The following CNTNAP2 variants were observed in gnomAD, a reference collection of about 807,000 sequenced individuals.
CNTNAP2 encodes contactin associated protein 2.
Under a neutral mutation model 155.2 loss-of-function variants are expected in CNTNAP2, and 98 were observed. The observed-to-expected ratio is 0.63, with a 90% CI of 0.54 to 0.75. CNTNAP2 has a LOEUF of 0.75. Among genes scored for constraint, CNTNAP2 ranks in the 30% least tolerant of loss-of-function variants. CNTNAP2 has a pLI of 0.00. For missense variants in CNTNAP2, 1,727 were observed against 1,688.1 expected (o/e 1.02, Z -0.40); for synonymous variants, 651 against 631.2 (o/e 1.03, Z -0.47).
intron 15 of CNTNAP2, among the ~76,000 whole-genome samples, chr7:148,103,046 T>C (rs1364272342): frequency 6.6e-6 from 1 of 152,106 alleles, no homozygotes; most frequent in Non-Finnish European, 1.5e-5. Flanking sequence ...TTCCAGGTCA[T>C]AGGTAGGTAA....
At chr7:147,851,157 A>C (rs1023720604) in intron 13 of CNTNAP2, among the ~76,000 whole-genome samples, 1 of 152,232 alleles carries the variant, frequency 6.6e-6, no homozygotes, top group Non-Finnish European at 1.5e-5. Flanking sequence ...TGCAGCCAAC[A>C]GACACATGAA....
chr7:148,064,678 A>T (rs1161143746), intron 15 of CNTNAP2, among the ~76,000 whole-genome samples: 3 of 35,504 alleles, frequency 8.4e-5, no homozygotes, highest in East Asian at 5.7e-3. Context: ...AATAGCTGTT[A>T]AAAAAAAAAA....
At chr7:147,885,107 TA>T (rs2116722034) in intron 13 of CNTNAP2, among the ~76,000 whole-genome samples, 1 of 152,340 alleles carries the variant, frequency 6.6e-6, no homozygotes, top group Non-Finnish European at 1.5e-5. Flanking sequence ...CTTTCAATGG[TA>T]AAAACCGCAG....
chr7:148,377,183 C>T lies in CNTNAP2; in HGVS notation c.3476-6466C>T, dbSNP rs1798983873. On this transcript the variant is annotated intron_variant, in intron 21 of 23. Coordinates refer to ENST00000361727, the MANE Select transcript of CNTNAP2 (RefSeq NM_014141.6). ...CCCTGACACTGGGAGCCACTGGGAGCTTCAGGTGCTGGCCCAGCAGTGCCT... is the reference window on the plus strand; with the variant it reads ...CCCTGACACTGGGAGCCACTGGGAGTTTCAGGTGCTGGCCCAGCAGTGCCT... 4.4e-5 allele frequency among the ~76,000 whole-genome samples: 3 copies of T among 67,606 alleles called. 1 individual carries two copies. The Admixed American group carries it at 6.2e-4, about 14-fold the overall frequency. The allele number at this position is 67,606 out of a possible 152,430, so 44.4% of individuals were successfully genotyped here.
At chr7:147,852,874 A>T (rs112840968) in intron 13 of CNTNAP2, among the ~76,000 whole-genome samples, 14 of 152,260 alleles carry the variant, frequency 9.2e-5, no homozygotes, top group African/African-American at 3.4e-4. Context: ...AAGACTATGG[A>T]TCTGCTGCTG....
intron 15 of CNTNAP2, among the ~76,000 whole-genome samples, chr7:147,983,440 A>T (rs991333967): frequency 5.9e-5 from 8 of 134,848 alleles, no homozygotes; most frequent in South Asian, 2.7e-4. Flanking sequence ...TGACAAAAAA[A>T]AAATAAAAAT....
At chr7:146,300,441 C>A (rs1800588034) in intron 1 of CNTNAP2, among the ~76,000 whole-genome samples, 1 of 151,980 alleles carries the variant, frequency 6.6e-6, no homozygotes, top group Admixed American at 6.6e-5. Context: ...AAAGAGAGAA[C>A]ATTAAACTAA....
At chr7:147,296,952 G>A (rs1794829724) in intron 8 of CNTNAP2, among the ~76,000 whole-genome samples, 1 of 152,152 alleles carries the variant, frequency 6.6e-6, no homozygotes, top group African/African-American at 2.4e-5. Context: ...TTTTCTGCAG[G>A]TGACAGCCAG....
intron 9 of CNTNAP2, among the ~76,000 whole-genome samples, chr7:147,368,321 G>A (rs1181351796): frequency 6.6e-6 from 1 of 151,956 alleles, no homozygotes; most frequent in Non-Finnish European, 1.5e-5. Context: ...GAGGACAATT[G>A]AGTAGGGCAT....
intron 14 of CNTNAP2, among the ~76,000 whole-genome samples, chr7:147,946,110 T>C (rs1426055494): frequency 6.6e-6 from 1 of 151,984 alleles, no homozygotes; most frequent in Non-Finnish European, 1.5e-5. Flanking sequence ...AATTCACCCC[T>C]GAAATACACT....
intron 9 of CNTNAP2, among the ~76,000 whole-genome samples, chr7:147,309,920 A>G (rs983441326): frequency 3.3e-5 from 5 of 152,236 alleles, no homozygotes; most frequent in African/African-American, 1.2e-4. Flanking sequence ...GAGAATATCA[A>G]TGAGAAAAAA....
chr7:147,472,036 CT>C (rs1196421059), intron 10 of CNTNAP2, among the ~76,000 whole-genome samples: 7 of 152,066 alleles, frequency 4.6e-5, no homozygotes, highest in African/African-American at 1.4e-4. Context: ...CACTTTTCTG[CT>C]CAGTGTTCAG....
chr7:147,372,461 G>A (rs976586778), intron 9 of CNTNAP2, among the ~76,000 whole-genome samples: 3 of 152,042 alleles, frequency 2.0e-5, no homozygotes, highest in Non-Finnish European at 4.4e-5. Flanking sequence ...CTAAGTTTAA[G>A]TTGGTATATT....
At chr7:147,688,377 G>A (rs1404934608) in intron 13 of CNTNAP2, among the ~76,000 whole-genome samples, 1 of 152,158 alleles carries the variant, frequency 6.6e-6, no homozygotes, top group Non-Finnish European at 1.5e-5. Flanking sequence ...GCGTGAAAGA[G>A]TACTTTTCAA....
At chr7:146,976,681 G>A (rs1474803266) in intron 3 of CNTNAP2, among the ~76,000 whole-genome samples, 2 of 152,076 alleles carry the variant, frequency 1.3e-5, no homozygotes, top group Non-Finnish European at 2.9e-5. Flanking sequence ...GAAGCTCTTC[G>A]AACCCTGTCC....
chr7:147,255,383 G>A (rs1168941864), intron 8 of CNTNAP2, among the ~76,000 whole-genome samples: 2 of 152,044 alleles, frequency 1.3e-5, no homozygotes, highest in Admixed American at 1.3e-4. Flanking sequence ...CACTACGGCT[G>A]ACTAATTTCT....
chr7:148,158,204 A>T (rs569950979), intron 17 of CNTNAP2, among the ~76,000 whole-genome samples: 33 of 136,116 alleles, frequency 2.4e-4, no homozygotes, highest in African/African-American at 9.2e-4. Flanking sequence ...GTGAGTGATG[A>T]TAGGTACAAT....
At chr7:147,800,935 A>C (rs1342089702) in intron 13 of CNTNAP2, among the ~76,000 whole-genome samples, 1 of 152,232 alleles carries the variant, frequency 6.6e-6, no homozygotes, top group Non-Finnish European at 1.5e-5. Flanking sequence ...AATGGGCTGT[A>C]CCAGATAGCC....
Position 147,132,340 on chromosome 7 carries a change from C to T in CNTNAP2, c.1179C>T (p.Asp393=). The T allele has an allele frequency of 1.2e-6, 2 of 1,613,704 alleles. No homozygotes were observed. Among genetic ancestry groups the T allele is most frequent in the Middle Eastern group, 1.7e-4 (1 of 6,060 alleles). The change falls in exon 8 of 24, where the codon GAC becomes GAT. Residue 393 remains aspartate (D), a synonymous_variant. Transcript: ENST00000361727. ...AGGTGCCCGGACGGCTTAACCAGGA[C>T]CTGTTCTCAGTCAGTTTCCAGTTTA... is the stretch of plus-strand genomic sequence containing the variant. ...YLEVPGRLNQ[D]LFSVSFQFRT... is the part of the protein sequence containing the mutation.
Sources: gnomAD v4.1 joint callset for allele counts (sites outside exome capture counted in the v4.1 genomes callset) on GRCh38, gnomAD v4.1.1 for gene constraint, MANE v1.5 for transcripts, NCBI Gene and HGNC (gene_info 2026-07-23, HGNC 2026-07-21) for gene names.